Variants in PDPK1 observed in about 807,000 individuals in gnomAD.
The protein encoded by PDPK1 is 3-phosphoinositide-dependent protein kinase 1.
In PDPK1, 7 loss-of-function variants were observed where a neutral mutation model predicts 39.8. That is an observed-to-expected ratio of 0.18 (90% CI 0.10 to 0.33). PDPK1 has a LOEUF of 0.33. Ranked by LOEUF, PDPK1 falls within the 10% of genes least tolerant of loss-of-function variation. PDPK1 has a pLI of 1.00. For synonymous variants in PDPK1, 118 were observed against 159.1 expected, an observed-to-expected ratio of 0.74 and a Z score of 1.95; for missense variants, 182 against 384.7, an observed-to-expected ratio of 0.47 and a Z score of 4.41.
At chr16:2,576,277 A>AGGCTGTC in intron 6 of PDPK1, 1 of 146,052 alleles carries the variant, frequency 6.8e-6, no homozygotes, top group African/African-American at 2.8e-5. Context: ...CCAGTGTGAT[A>AGGCTGTC]GGCTGTCGTG....
intron 4 of PDPK1, chr16:2,563,046 G>C (rs1230599508): frequency 6.6e-6 from 1 of 151,240 alleles, no homozygotes; most frequent in Non-Finnish European, 1.5e-5. Flanking sequence ...TGCTGAGCTG[G>C]GAGAGACCGG....
chr16:2,593,154 G>A lies in PDPK1; in HGVS notation c.1344-2639G>A, dbSNP rs367764038. ...GCACCACTCCTGCACGCCCGTGCCT[G>A]TGGCATGCCCAGATGATCAGGGTGG... is the stretch of plus-strand genomic sequence containing the variant. On this transcript the variant is annotated intron_variant, in intron 11 of 13. Coordinates refer to ENST00000342085, the MANE Select transcript of PDPK1 (RefSeq NM_002613.5). The surrounding 1 kb of genome is among the most constrained non-coding windows in gnomAD (Gnocchi z 4.2). 5 of 453,836 alleles carry A rather than the reference G, an allele frequency of 1.1e-5. No homozygotes were observed. Among genetic ancestry groups the A allele is most frequent in the South Asian group, 4.7e-5 (3 of 64,398 alleles). The allele number at this position is 453,836 out of a possible 1,614,324, so 28.1% of individuals were successfully genotyped here. A position where few individuals can be genotyped will look rare whatever the true frequency, so the allele number is the denominator to read the frequency against.
chr16:2,545,836 C>T (rs573720844), intron 1 of PDPK1, among the ~76,000 whole-genome samples: 242 of 152,218 alleles, frequency 1.6e-3, no homozygotes, highest in African/African-American at 5.6e-3. Flanking sequence ...GATGGGGTCT[C>T]GCTTTGTTGC....
chr16:2,540,018 C>A (rs1043386390), intron 1 of PDPK1, among the ~76,000 whole-genome samples: 1 of 152,164 alleles, frequency 6.6e-6, no homozygotes, highest in African/African-American at 2.4e-5. Flanking sequence ...CACGAACGAG[C>A]GTTTTGCATC....
rs575259088 is a variant in PDPK1 at position 2,601,783 on chromosome 16, C to G, written c.*4016C>G. 1.7e-4 allele frequency: 36 copies of G among 213,504 alleles called. No homozygotes were observed. Among genetic ancestry groups the G allele is most frequent in the Non-Finnish European group, 3.0e-4 (32 of 105,666 alleles). 13.2% of individuals were successfully genotyped at this position (213,504 alleles called of 1,614,324 possible). A position where few individuals can be genotyped will look rare whatever the true frequency, so the allele number is the denominator to read the frequency against. On this transcript the variant is annotated 3_prime_UTR_variant, in exon 14 of 14. Transcript: ENST00000342085. ...TTTTTCATTGTAGGGCGTGGTTGTC[C>G]CAGCTGGTGTAGATTTCAGGCCGCC... is the stretch of plus-strand genomic sequence containing the variant.
rs758321 is a variant in PDPK1 at position 2,558,538 on chromosome 16, C to T, written c.285+575C>T. On this transcript the variant is annotated intron_variant, in intron 2 of 13. Coordinates refer to ENST00000342085, the MANE Select transcript of PDPK1 (RefSeq NM_002613.5). ...TCAAGTCACACTTGTTACCTGTCTTCGGGGTGTTTTTTCCTCTGAAAGCAA... is the reference window on the plus strand; with the variant it reads ...TCAAGTCACACTTGTTACCTGTCTTTGGGGTGTTTTTTCCTCTGAAAGCAA... Among the ~76,000 whole-genome samples the T allele has an allele frequency of 1.5e-3, 221 of 147,332 alleles. 1 individual carries two copies. Among genetic ancestry groups the T allele is most frequent in the African/African-American group, 4.9e-3 (182 of 37,176 alleles).
intron 11 of PDPK1, among the ~76,000 whole-genome samples, chr16:2,590,322 A>G (rs1016416526): frequency 1.3e-5 from 2 of 152,166 alleles, no homozygotes; most frequent in Non-Finnish European, 2.9e-5. Flanking sequence ...GGGTTTCACT[A>G]TGACTTGAGG....
intron 1 of PDPK1, among the ~76,000 whole-genome samples, chr16:2,551,985 T>G (rs2066422043): frequency 6.6e-6 from 1 of 150,894 alleles, no homozygotes; most frequent in Non-Finnish European, 1.5e-5. Flanking sequence ...TCTACTTTTT[T>G]TTTTCTTTAA....
At chr16:2,539,350 G>A (rs1382600526) in intron 1 of PDPK1, 1 of 152,638 alleles carries the variant, frequency 6.6e-6, no homozygotes, top group African/African-American at 2.4e-5. Context: ...AAAGTGCTAG[G>A]ATTACAGGCG....
chr16:2,575,956 G>A (rs2141978303), intron 6 of PDPK1: 1 of 138,370 alleles, frequency 7.2e-6, no homozygotes, highest in South Asian at 2.3e-4. Flanking sequence ...AATGGCATTT[G>A]AAAAAGTACA....
Position 2,597,373 on chromosome 16 carries a change from G to A in PDPK1, c.1554+98G>A. On this transcript the variant is annotated intron_variant, in intron 13 of 13. Coordinates refer to ENST00000342085, the MANE Select transcript of PDPK1 (RefSeq NM_002613.5). The surrounding 1 kb of genome is among the most constrained non-coding windows in gnomAD (Gnocchi z 6.3). ...GGCCTTGGCCAGAGGGAGCAGCGGGGATCGGGGCAGCTGCCTCGCCCTTTC... is the reference window on the plus strand; with the variant it reads ...GGCCTTGGCCAGAGGGAGCAGCGGGAATCGGGGCAGCTGCCTCGCCCTTTC... 2.1e-5 allele frequency: 24 copies of A among 1,119,840 alleles called. No individual in the cohort carries two copies. The highest frequency in any genetic ancestry group is 2.7e-5 in the Non-Finnish European group (21 of 773,048). 69.4% of individuals were successfully genotyped at this position (1,119,840 alleles called of 1,614,324 possible).
chr16:2,552,602 G>T (rs973240288), intron 1 of PDPK1, among the ~76,000 whole-genome samples: 1 of 126,106 alleles, frequency 7.9e-6, no homozygotes, highest in Non-Finnish European at 1.6e-5. Context: ...GGCGCGGGGG[G>T]ATGTGAGAGC....
At chr16:2,550,170 A>G (rs901761125) in intron 1 of PDPK1, among the ~76,000 whole-genome samples, 41 of 150,666 alleles carry the variant, frequency 2.7e-4, no homozygotes, top group African/African-American at 9.5e-4. Context: ...ACGATAATAC[A>G]TGTAAAATGC....
At chr16:2,538,300 G>A (rs1442333302) in intron 1 of PDPK1, 164 bp downstream of exon 1, 1 of 250,498 alleles carries the variant, frequency 4.0e-6, no homozygotes, top group South Asian at 1.3e-4. Flanking sequence ...GGCCGAGGGC[G>A]CTGCTTGGCT....
rs1232002521 is a variant in PDPK1, at chr16:2,599,617, G to A, written c.*1850G>A. ...TTGCCCTGGGCCTGTGGCCGGAGTC[G>A]GAGTCCTCTCTCCTCCTCCTGGCTT... is the stretch of plus-strand genomic sequence containing the variant. On this transcript the variant is annotated 3_prime_UTR_variant, in exon 14 of 14. Coordinates refer to ENST00000342085, the MANE Select transcript of PDPK1 (RefSeq NM_002613.5). 8.6e-6 allele frequency: 2 copies of A among 232,808 alleles called. No individual in the cohort carries two copies. Among genetic ancestry groups the A allele is most frequent in the African/African-American group, 2.2e-5 (1 of 45,300 alleles). The allele number at this position is 232,808 out of a possible 1,614,324, so 14.4% of individuals were successfully genotyped here. A position where few individuals can be genotyped will look rare whatever the true frequency, so the allele number is the denominator to read the frequency against.
intron 1 of PDPK1, among the ~76,000 whole-genome samples, chr16:2,541,386 G>C (rs958453608): frequency 6.6e-6 from 1 of 152,206 alleles, no homozygotes; most frequent in Admixed American, 6.5e-5. Flanking sequence ...GTGATGAACT[G>C]GGAAGCGCTG....
chr16:2,558,297 G>T, intron 2 of PDPK1, among the ~76,000 whole-genome samples: 1 of 149,998 alleles, frequency 6.7e-6, no homozygotes, highest in Non-Finnish European at 1.5e-5. Context: ...CTGTGTCCTT[G>T]TGTCTCACTG....
At chr16:2,589,571 C>G (rs1430582032) in intron 11 of PDPK1, among the ~76,000 whole-genome samples, 1 of 151,858 alleles carries the variant, frequency 6.6e-6, no homozygotes, top group African/African-American at 2.4e-5. Flanking sequence ...ACCTGTAGTC[C>G]TAGCTGCTTG....
At chr16:2,579,653 TATA>T (rs1452310135) in intron 7 of PDPK1, 3 of 133,874 alleles carry the variant, frequency 2.2e-5, no homozygotes, top group African/African-American at 8.4e-5. Context: ...GAACTTTTAT[TATA>T]AAGAATTGAA....
Sources: allele counts gnomAD v4.1 joint callset (sites outside exome capture counted in the v4.1 genomes callset), GRCh38; gene constraint gnomAD v4.1.1; non-coding constraint Gnocchi (gnomAD v3.1); transcripts MANE v1.5; gene names NCBI Gene and HGNC (gene_info 2026-07-23, HGNC 2026-07-21).